The following MBD5 variants were observed in gnomAD, a reference collection of about 807,000 sequenced individuals.
MBD5 encodes the protein methyl-CpG binding domain protein 5, also known as methyl-CpG-binding domain protein 5.
Under a neutral mutation model 117.3 loss-of-function variants are expected in MBD5, and 13 were observed. That is an observed-to-expected ratio of 0.11 (90% CI 0.07 to 0.18). The LOEUF (loss-of-function observed/expected upper bound fraction) is 0.18. MBD5 is among the 10% of genes least tolerant of loss of function. The pLI is 1.00. For missense variants in MBD5, 1,879 were observed against 2,093.8 expected, an observed-to-expected ratio of 0.90 and a Z score of 2.00; for synonymous variants, 727 against 766.4, an observed-to-expected ratio of 0.95 and a Z score of 0.85.
chr2:148,297,087 G>T (rs943412038), intron 3 of MBD5, among the ~76,000 whole-genome samples: 2 of 151,760 alleles, frequency 1.3e-5, no homozygotes, highest in Non-Finnish European at 2.9e-5. Context: ...GTTTCACCGT[G>T]TTGGCCAGGC....
At chr2:148,492,888 C>G (rs1376890766) in intron 11 of MBD5, among the ~76,000 whole-genome samples, 1 of 152,014 alleles carries the variant, frequency 6.6e-6, no homozygotes, top group East Asian at 1.9e-4. Context: ...AGAGAGATAT[C>G]TAGTAGAACA....
At chr2:148,202,430 T>G (rs904995694) in intron 2 of MBD5, among the ~76,000 whole-genome samples, 1 of 152,110 alleles carries the variant, frequency 6.6e-6, no homozygotes, top group Non-Finnish European at 1.5e-5. Flanking sequence ...ATGTAAAGAC[T>G]GTTGATTCAG....
chr2:148,294,156 T>C (rs1044788905), intron 3 of MBD5, among the ~76,000 whole-genome samples: 3 of 151,872 alleles, frequency 2.0e-5, no homozygotes, highest in Admixed American at 1.3e-4. Flanking sequence ...AACATACTTA[T>C]TTCACGTTCC....
At position 148,021,482 on chromosome 2, in the gene MBD5, T is replaced by A; in HGVS notation, c.-1127T>A. 1 of 564,796 alleles carries A rather than the reference T, an allele frequency of 1.8e-6. No individual in the cohort carries two copies. 35.0% of individuals were successfully genotyped at this position (564,796 alleles called of 1,614,324 possible). On this transcript the variant is annotated 5_prime_UTR_variant, in exon 1 of 14. Transcript: ENST00000642680. ...CTGCTGTTGCTGCTGCTGCTGCTGTTGCTGCTGCTGCTGCTACTGCTGCTG... is the reference window on the plus strand; with the variant it reads ...CTGCTGTTGCTGCTGCTGCTGCTGTAGCTGCTGCTGCTGCTACTGCTGCTG...
chr2:148,232,012 C>T (rs1287684678), intron 2 of MBD5, among the ~76,000 whole-genome samples: 1 of 152,102 alleles, frequency 6.6e-6, no homozygotes, highest in African/African-American at 2.4e-5. Context: ...TTGAGAAGAT[C>T]CAGAAACAAT....
At chr2:148,460,555 T>A (rs545275149) in intron 5 of MBD5, among the ~76,000 whole-genome samples, 6 of 152,328 alleles carry the variant, frequency 3.9e-5, no homozygotes, top group African/African-American at 1.4e-4. Flanking sequence ...TTACTCATAA[T>A]TTTTAGATTG....
intron 2 of MBD5, among the ~76,000 whole-genome samples, chr2:148,201,362 A>G (rs1574129333): frequency 6.6e-6 from 1 of 152,274 alleles, no homozygotes; most frequent in South Asian, 2.1e-4. Context: ...ACACAGGGAC[A>G]CCCAAGCAGG....
chr2:148,314,175 G>C (rs1162729082), intron 3 of MBD5, among the ~76,000 whole-genome samples: 1 of 151,760 alleles, frequency 6.6e-6, no homozygotes, highest in Non-Finnish European at 1.5e-5. Flanking sequence ...ACTGTAAACT[G>C]TCTGTCATAG....
chr2:148,455,618 T>G (rs1706856704), intron 4 of MBD5, among the ~76,000 whole-genome samples: 1 of 152,052 alleles, frequency 6.6e-6, no homozygotes, highest in African/African-American at 2.4e-5. Context: ...CATCAGATAT[T>G]GGTATTTTTG....
chr2:148,438,597 G>C (rs776033249), intron 4 of MBD5, among the ~76,000 whole-genome samples: 1 of 152,148 alleles, frequency 6.6e-6, no homozygotes, highest in African/African-American at 2.4e-5. Flanking sequence ...CAGAGAGAGA[G>C]AACCAAGAGA....
At chr2:148,392,856 CTTTA>C (rs1704606129) in intron 4 of MBD5, among the ~76,000 whole-genome samples, 2 of 152,096 alleles carry the variant, frequency 1.3e-5, no homozygotes, top group African/African-American at 4.8e-5. Flanking sequence ...ATTATTTTCT[CTTTA>C]TTTATTTAAA....
chr2:148,356,615 T>C (rs528246684), intron 4 of MBD5, among the ~76,000 whole-genome samples: 25 of 152,318 alleles, frequency 1.6e-4, no homozygotes, highest in African/African-American at 5.8e-4. Flanking sequence ...CCAAGTATTC[T>C]TCTTTGGTTA....
At chr2:148,480,314 A>T (rs1681110301) in intron 8 of MBD5, among the ~76,000 whole-genome samples, 1 of 152,216 alleles carries the variant, frequency 6.6e-6, no homozygotes. Flanking sequence ...ACTTCCTTGA[A>T]TCATAAATGT....
chr2:148,310,369 T>C (rs1355358013), intron 3 of MBD5, among the ~76,000 whole-genome samples: 2 of 152,216 alleles, frequency 1.3e-5, no homozygotes, highest in Non-Finnish European at 2.9e-5. Flanking sequence ...TAATTTAGTC[T>C]TGGGAAGGTG....
At chr2:148,440,579 T>TA (rs58489982) in intron 4 of MBD5, among the ~76,000 whole-genome samples, 42,637 of 151,972 alleles carry the variant, frequency 0.28, 6,210 homozygotes, top group East Asian at 0.41. Context: ...TTTAGGAGAG[T>TA]AAAAAAAGCA....
chr2:148,423,332 T>A (rs1348914379), intron 4 of MBD5, among the ~76,000 whole-genome samples: 1 of 152,038 alleles, frequency 6.6e-6, no homozygotes, highest in East Asian at 1.9e-4. Context: ...AAATATTTAA[T>A]TATGTTTTTA....
intron 11 of MBD5, among the ~76,000 whole-genome samples, chr2:148,498,417 A>T (rs1401813836): frequency 6.6e-6 from 1 of 152,080 alleles, no homozygotes; most frequent in Non-Finnish European, 1.5e-5. Flanking sequence ...GCTCACTGCA[A>T]CCTCCAGCCT....
chr2:148,426,609 C>G (rs1262074705), intron 4 of MBD5, among the ~76,000 whole-genome samples: 1 of 152,058 alleles, frequency 6.6e-6, no homozygotes, highest in Admixed American at 6.5e-5. Context: ...ATGTAGAAAG[C>G]TGAAACTGGA....
intron 1 of MBD5, among the ~76,000 whole-genome samples, chr2:148,171,864 G>T (rs189750505): frequency 1.3e-5 from 2 of 152,238 alleles, no homozygotes; most frequent in East Asian, 3.9e-4. Flanking sequence ...ATTTACAATC[G>T]CTACAAACAA....
Sources: allele counts gnomAD v4.1 joint callset (sites outside exome capture counted in the v4.1 genomes callset), GRCh38; gene constraint gnomAD v4.1.1; transcripts MANE v1.5; gene names NCBI Gene and HGNC (gene_info 2026-07-23, HGNC 2026-07-21).